CCT3: variants seen among roughly 807,000 people sequenced by gnomAD.
CCT3 encodes the protein chaperonin containing TCP1 subunit 3.
A neutral mutation model predicts 65.3 loss-of-function variants in CCT3; 10 were observed. The observed-to-expected ratio is 0.15, with a 90% CI of 0.09 to 0.26. The LOEUF (loss-of-function observed/expected upper bound fraction) is 0.26, where lower values mean the gene tolerates loss of function less well. Among genes scored for constraint, CCT3 ranks in the 10% least tolerant of loss-of-function variants. The pLI, the probability that CCT3 is intolerant of heterozygous loss-of-function variation, is 1.00. For missense variants in CCT3, 626 were observed against 708.7 expected, an observed-to-expected ratio of 0.88 and a Z score of 1.33; for synonymous variants, 225 against 242.3, an observed-to-expected ratio of 0.93 and a Z score of 0.66.
chr1:156,312,666 C>A (rs1288320094), intron 10 of CCT3, among the ~76,000 whole-genome samples: 5 of 144,870 alleles, frequency 3.5e-5, no homozygotes, highest in Non-Finnish European at 3.1e-5. Flanking sequence ...TAAAAAAAAA[C>A]AAACACAAAA....
chr1:156,319,122 T>C, intron 7 of CCT3, 105 bp from the exon 8 acceptor site: 1 of 1,113,998 alleles, frequency 9.0e-7, no homozygotes, highest in African/African-American at 1.6e-5. Context: ...CAGGTTTTTT[T>C]TTTTTTTTGA....
chr1:156,311,391 G>A (rs531451777), intron 11 of CCT3, among the ~76,000 whole-genome samples, 196 bp from the exon 12 acceptor site: 16 of 152,332 alleles, frequency 1.1e-4, no homozygotes, highest in Non-Finnish European at 1.5e-4. Flanking sequence ...ATAGGATGGC[G>A]GGGAGTGGTA....
chr1:156,323,392 T>C lies in CCT3; in HGVS notation c.422+1580A>G, dbSNP rs142632364. Among the ~76,000 whole-genome samples, 3 of 150,626 alleles carry C rather than the reference T, an allele frequency of 2.0e-5. No individual in the cohort carries two copies. In the East Asian group the frequency reaches 5.8e-4, roughly 29 times the overall value. On this transcript the variant is annotated intron_variant, in intron 6 of 13. Coordinates refer to ENST00000295688, the MANE Select transcript of CCT3 (RefSeq NM_005998.5). ...ACTTATGCATCTAGTGACTCAACCA[T>C]ATGAGTAGAATATTTAAATAAAGAA...
intron 10 of CCT3, among the ~76,000 whole-genome samples, chr1:156,314,288 A>G (rs940122530): frequency 2.0e-5 from 3 of 152,226 alleles, no homozygotes; most frequent in Non-Finnish European, 2.9e-5. Context: ...GATTTATGAC[A>G]GAGCCAATCA....
intron 1 of CCT3, chr1:156,337,103 C>A (rs1481871080): frequency 1.6e-6 from 2 of 1,284,794 alleles, no homozygotes; most frequent in South Asian, 2.5e-5. Context: ...GGAGGTGGTG[C>A]TCATCAGAAA....
chr1:156,334,821 G>A (rs754801056), intron 3 of CCT3, 46 bp from the exon 4 acceptor site: 5 of 1,613,410 alleles, frequency 3.1e-6, no homozygotes, highest in Non-Finnish European at 4.2e-6. Flanking sequence ...TAGATAACAG[G>A]AAGAAAAAAA....
Position 156,312,111 on chromosome 1 carries a change from A to G in CCT3, c.1085T>C (p.Phe362Ser). ...CTTGGGGTCTTTGCAGTCAGTGATGAAAGTAAAGTATTCATCTCCAATTTT... is the reference window on the plus strand; with the variant it reads ...CTTGGGGTCTTTGCAGTCAGTGATGGAAGTAAAGTATTCATCTCCAATTTT... ...IKKIGDEYFT[F>S]ITDCKDPKAC... The change falls in exon 11 of 14, where the codon TTC (phenylalanine) becomes TCC (serine). Residue 362 changes from phenylalanine (F) to serine (S), a missense_variant. Phe to Ser is a radical substitution (Grantham distance 155). Transcript: ENST00000295688. 1 of 1,613,600 alleles carries G rather than the reference A, an allele frequency of 6.2e-7. No homozygotes were observed. Among genetic ancestry groups the G allele is most frequent in the Non-Finnish European group, 8.5e-7 (1 of 1,179,954 alleles).
intron 1 of CCT3, among the ~76,000 whole-genome samples, chr1:156,336,896 C>CA (rs1553304156): frequency 6.8e-6 from 1 of 147,962 alleles, no homozygotes; most frequent in East Asian, 2.0e-4. Flanking sequence ...AAGAAGGCGG[C>CA]TTTTTTTTTT....
intron 5 of CCT3, among the ~76,000 whole-genome samples, chr1:156,325,908 T>C (rs1285859400): frequency 1.3e-5 from 2 of 151,388 alleles, no homozygotes; most frequent in South Asian, 2.1e-4. Flanking sequence ...TAAAAAAAAA[T>C]TTCCCTGAAG....
chr1:156,337,884 G>C, intron 1 of CCT3: 1 of 528,686 alleles, frequency 1.9e-6, no homozygotes. Context: ...TGGGGGCTGA[G>C]GGACAGAACG....
intron 5 of CCT3, among the ~76,000 whole-genome samples, chr1:156,329,586 T>G (rs1665020918): frequency 6.6e-6 from 1 of 150,494 alleles, no homozygotes; most frequent in African/African-American, 2.4e-5. Flanking sequence ...ATTACAGGCG[T>G]AAGCCACCGC....
chr1:156,335,092 A>G (rs1286266991), intron 2 of CCT3, 174 bp from the exon 3 acceptor site: 7 of 580,808 alleles, frequency 1.2e-5, no homozygotes, highest in Non-Finnish European at 2.1e-5. Flanking sequence ...GCTGGTCTCA[A>G]ACCCCTGGGC....
At chr1:156,325,412 A>C (rs1446788976) in intron 5 of CCT3, among the ~76,000 whole-genome samples, 1 of 152,086 alleles carries the variant, frequency 6.6e-6, no homozygotes, top group Non-Finnish European at 1.5e-5. Context: ...CTGCAGTCCC[A>C]GCTACTCAGG....
chr1:156,319,367 C>T (rs1041678963), intron 7 of CCT3, among the ~76,000 whole-genome samples: 1 of 152,042 alleles, frequency 6.6e-6, no homozygotes, highest in African/African-American at 2.4e-5. Context: ...CCGCCCGCCT[C>T]GGCCTCCCAA....
In CCT3 at chr1:156,317,223, C is replaced by A. The variant is rs1369161172; in HGVS notation, c.917G>T (p.Arg306Leu). Residue 306 changes from arginine to leucine, a missense_variant, in exon 10 of 14, where the codon CGG (arginine) becomes CTG (leucine). Physicochemically the swap from Arg to Leu is moderately radical, Grantham distance 102 (BLOSUM62 -2). Coordinates refer to ENST00000295688, the MANE Select transcript of CCT3 (RefSeq NM_005998.5). ...ISDLAQHYLM[R>L]ANITAIRRVR... ...TCTGCGGATGGCTGTGATATTGGCC[C>A]GCATAAGGTAGTGCTGAGCTAAATC... The A allele has an allele frequency of 6.2e-7, 1 of 1,614,148 alleles. No individual in the cohort carries two copies. Among genetic ancestry groups the A allele is most frequent in the Admixed American group, 1.7e-5 (1 of 60,016 alleles).
chr1:156,319,742 A>G (rs924631168), intron 7 of CCT3, among the ~76,000 whole-genome samples: 4 of 152,174 alleles, frequency 2.6e-5, no homozygotes, highest in African/African-American at 4.8e-5. Flanking sequence ...GGTCTCTCCA[A>G]TTAAAAAAAT....
chr1:156,319,241 T>C (rs1057285439), intron 7 of CCT3, among the ~76,000 whole-genome samples: 5 of 151,748 alleles, frequency 3.3e-5, no homozygotes, highest in Admixed American at 6.6e-5. Context: ...GACTCCCAAG[T>C]AGCTGGGACT....
At chr1:156,338,083 G>C in intron 1 of CCT3, 71 bp downstream of exon 1, 3 of 1,518,470 alleles carry the variant, frequency 2.0e-6, no homozygotes, top group Non-Finnish European at 2.7e-6. Context: ...GACGGAGCTG[G>C]GGCAACACTG....
chr1:156,312,291 G>A (rs1664118650), intron 10 of CCT3, 70 bp from the exon 11 acceptor site: 3 of 1,450,888 alleles, frequency 2.1e-6, no homozygotes, highest in East Asian at 4.6e-5. Flanking sequence ...TAGTCTCTAG[G>A]GTCTGTAGCT....
Sources: allele counts gnomAD v4.1 joint callset (sites outside exome capture counted in the v4.1 genomes callset), GRCh38; gene constraint gnomAD v4.1.1; transcripts MANE v1.5; gene names NCBI Gene and HGNC (gene_info 2026-07-23, HGNC 2026-07-21).